The following ZNF208 variants were observed in gnomAD, a reference collection of about 807,000 sequenced individuals.
The protein encoded by ZNF208 is zinc finger protein 208.
In ZNF208, 10 loss-of-function variants were observed where a neutral mutation model predicts 12.1. The observed-to-expected ratio is 0.83, with a 90% CI of 0.51 to 1.40. ZNF208 has a LOEUF of 1.40. Among genes scored for constraint, ZNF208 ranks in the 40% most tolerant of loss-of-function variants. The pLI, the probability that ZNF208 is intolerant of heterozygous loss-of-function variation, is 0.00. For missense variants in ZNF208, 1,652 were observed against 1,485.0 expected, an observed-to-expected ratio of 1.11 and a Z score of -1.85; for synonymous variants, 497 against 488.4, an observed-to-expected ratio of 1.02 and a Z score of -0.23.
intron 1 of ZNF208, among the ~76,000 whole-genome samples, chr19:22,003,031 C>T (rs1056133422): frequency 4.6e-5 from 7 of 152,000 alleles, no homozygotes; most frequent in African/African-American, 1.7e-4. Context: ...ATAGGGAGCC[C>T]AGAAATAATG....
chr19:22,006,907 T>A (rs1255616375), intron 1 of ZNF208, among the ~76,000 whole-genome samples: 2 of 152,194 alleles, frequency 1.3e-5, no homozygotes, highest in Admixed American at 1.3e-4. Flanking sequence ...TTTTTTGTAT[T>A]AAAAATCATG....
chr19:22,010,770 G>A (rs367573707), intron 1 of ZNF208, 22 bp downstream of exon 1: 4 of 1,614,200 alleles, frequency 2.5e-6, no homozygotes, highest in Non-Finnish European at 3.4e-6. Context: ...CTCTCTCAGT[G>A]TGTCGGACCC....
intron 4 of ZNF208, among the ~76,000 whole-genome samples, chr19:21,954,180 T>C (rs1170592556): frequency 6.6e-6 from 1 of 152,220 alleles, no homozygotes. Flanking sequence ...CTAATTTGAT[T>C]GCACTGTGGT....
At chr19:21,955,157 G>GC (rs748082875) in intron 4 of ZNF208, among the ~76,000 whole-genome samples, 5 of 152,126 alleles carry the variant, frequency 3.3e-5, no homozygotes, top group Non-Finnish European at 5.9e-5. Flanking sequence ...TTGAATATTG[G>GC]CCCCCATTCT....
At chr19:21,962,470 T>C (rs908468238), downstream of ZNF208, among the ~76,000 whole-genome samples, 21 of 152,176 alleles carry the variant, frequency 1.4e-4, no homozygotes, top group African/African-American at 5.1e-4. Flanking sequence ...TTTTTAAATA[T>C]ATATTCTGCT....
intron 1 of ZNF208, among the ~76,000 whole-genome samples, chr19:22,005,120 C>T (rs1334496863): frequency 6.6e-6 from 1 of 152,158 alleles, no homozygotes; most frequent in South Asian, 2.1e-4. Context: ...TAGAGATATG[C>T]CAGGAGACTT....
rs371556421 is a variant in ZNF208, at chr19:21,972,576, G to A, written c.2458C>T (p.Leu820Phe). The change falls in exon 4 of 4, where the codon CTT (leucine) becomes TTT (phenylalanine). Residue 820 changes from leucine (L) to phenylalanine (F), a missense_variant. Coordinates refer to ENST00000397126, the MANE Select transcript of ZNF208 (RefSeq NM_007153.3). ...GCATGAATTGCCTTATGTGTAGTAA[G>A]GGTTGAGACCTTACTAAAGGTTTTG... ...CGKTFSKVST[L>F]TTHKAIHAGE... is the part of the protein sequence containing the mutation. The A allele has an allele frequency of 9.3e-6, 15 of 1,613,008 alleles. No homozygotes were observed. Among genetic ancestry groups the A allele is most frequent in the Admixed American group, 8.4e-5 (5 of 59,852 alleles).
chr19:21,983,099 T>G (rs535132051), intron 3 of ZNF208, among the ~76,000 whole-genome samples: 2 of 151,692 alleles, frequency 1.3e-5, no homozygotes, highest in Non-Finnish European at 2.9e-5. Context: ...GGAGAAAAAT[T>G]TTGCAATCTA....
Position 21,972,842 on chromosome 19 carries a change from C to G in ZNF208, c.2192G>C (p.Ser731Thr). Residue 731 changes from serine (S) to threonine (T), a missense_variant, in exon 4 of 4, where the codon AGT becomes ACT. Transcript: ENST00000397126. Reference protein sequence around the residue: ...YKCEECGKSFSTFSVLTKHKV... With the variant: ...YKCEECGKSFTTFSVLTKHKV... ...ATGTTTAGTAAGGACTGAGAATGTA[C>G]TAAAGCTTTTGCCACATTCTTCACA... is the stretch of plus-strand genomic sequence containing the variant. The G allele has an allele frequency of 1.2e-6, 2 of 1,611,436 alleles. No individual in the cohort carries two copies. Among genetic ancestry groups the G allele is most frequent in the South Asian group, 2.2e-5 (2 of 90,952 alleles).
chr19:22,001,386 C>T (rs1325674644), intron 1 of ZNF208, among the ~76,000 whole-genome samples: 5 of 152,140 alleles, frequency 3.3e-5, no homozygotes, highest in African/African-American at 1.2e-4. Context: ...AAATGAAGCT[C>T]AGGACCAGAC....
In ZNF208 at chr19:21,974,311, G is replaced by A. The variant is rs1970382112; in HGVS notation, c.723C>T (p.Phe241=). Reference sequence around the variant, plus strand: ...TTACCTTATGTTTAGTAAGGATTGAGAACTTACTAAAGGCTTTGCCACATT... The same window carrying A: ...TTACCTTATGTTTAGTAAGGATTGAAAACTTACTAAAGGCTTTGCCACATT... ...CKECGKAFSK[F]SILTKHKVIH... The change falls in exon 4 of 4, where the codon TTC becomes TTT. Residue 241 remains phenylalanine (F), a synonymous_variant. Coordinates refer to ENST00000397126, the MANE Select transcript of ZNF208 (RefSeq NM_007153.3). 1 of 1,613,488 alleles carries A rather than the reference G, an allele frequency of 6.2e-7. No homozygotes were observed. Among genetic ancestry groups the A allele is most frequent in the South Asian group, 1.1e-5 (1 of 91,070 alleles).
rs752895103 is a variant in ZNF208 at position 21,972,831 on chromosome 19, C to T, written c.2203G>A (p.Val735Ile). The part of the protein sequence containing the change: ...ECGKSFSTFS[V>I]LTKHKVIHTG... ...TGAATTACCTTATGTTTAGTAAGGA[C>T]TGAGAATGTACTAAAGCTTTTGCCA... The change falls in exon 4 of 4, where the codon GTC (valine) becomes ATC (isoleucine). Residue 735 changes from valine (V) to isoleucine (I), a missense_variant. By Grantham distance (29) the Val-to-Ile change is conservative. Coordinates refer to ENST00000397126, the MANE Select transcript of ZNF208 (RefSeq NM_007153.3). 1.6e-4 allele frequency: 253 copies of T among 1,576,178 alleles called. No homozygotes were observed. Among genetic ancestry groups the T allele is most frequent in the African/African-American group, 8.2e-4 (54 of 65,940 alleles).
At chr19:21,956,963 G>A (rs574640955) in intron 4 of ZNF208, among the ~76,000 whole-genome samples, 13 of 151,964 alleles carry the variant, frequency 8.6e-5, no homozygotes, top group Admixed American at 5.2e-4. Flanking sequence ...GACATCTTGG[G>A]ACTTCTATCA....
rs1286451704 is a variant in ZNF208 at position 21,971,092 on chromosome 19, A to G, written c.*99T>C. Reference sequence around the variant, plus strand: ...TTGAGGACCAGTTGAAAGCCTCACCACATTCTTCACATTTGTAGGGTTTCT... The same window carrying G: ...TTGAGGACCAGTTGAAAGCCTCACCGCATTCTTCACATTTGTAGGGTTTCT... On this transcript the variant is annotated 3_prime_UTR_variant, in exon 4 of 4. Coordinates refer to ENST00000397126, the MANE Select transcript of ZNF208 (RefSeq NM_007153.3). The G allele has an allele frequency of 1.2e-6, 2 of 1,613,074 alleles. No homozygotes were observed. Among genetic ancestry groups the G allele is most frequent in the Non-Finnish European group, 8.5e-7 (1 of 1,179,634 alleles).
downstream of ZNF208, among the ~76,000 whole-genome samples, chr19:21,963,152 A>T (rs1970106171): frequency 6.6e-6 from 1 of 152,036 alleles, no homozygotes; most frequent in Non-Finnish European, 1.5e-5. Context: ...GATGAAGAGC[A>T]CTTGTTTTGG....
intron 1 of ZNF208, chr19:21,997,686 A>C (rs892700515): frequency 7.8e-5 from 13 of 166,998 alleles, no homozygotes; most frequent in African/African-American, 2.9e-4. Flanking sequence ...GAGAGCCTGC[A>C]GGCCTCCTGG....
At position 21,969,028 on chromosome 19, in the gene ZNF208, C is replaced by T. The variant is rs1426627828; in HGVS notation, c.*2163G>A. Reference sequence around the variant, plus strand: ...TGAAACCCCATCTGTACTAAAAATACAAAAAATTAGCTGGGAGTGGCGGCG... The same window carrying T: ...TGAAACCCCATCTGTACTAAAAATATAAAAAATTAGCTGGGAGTGGCGGCG... On this transcript the variant is annotated 3_prime_UTR_variant, in exon 4 of 4. Transcript: ENST00000397126. Among the ~76,000 whole-genome samples, 1 of 151,984 alleles carries T rather than the reference C, an allele frequency of 6.6e-6. No individual in the cohort carries two copies. The highest frequency in any genetic ancestry group is 1.9e-4 in the East Asian group (1 of 5,176).
intron 4 of ZNF208, among the ~76,000 whole-genome samples, chr19:21,953,531 C>G (rs1969925862): frequency 6.6e-6 from 1 of 152,178 alleles, no homozygotes; most frequent in South Asian, 2.1e-4. Flanking sequence ...GAAAGAATGT[C>G]AACCCAGAAT....
At chr19:21,992,165 GA>G (rs1970751601) in intron 1 of ZNF208, among the ~76,000 whole-genome samples, 1 of 152,202 alleles carries the variant, frequency 6.6e-6, no homozygotes, top group African/African-American at 2.4e-5. Flanking sequence ...GATACTTGAT[GA>G]TGAAGAGAAA....
Sources: gnomAD v4.1 joint callset for allele counts (sites outside exome capture counted in the v4.1 genomes callset) on GRCh38, gnomAD v4.1.1 for gene constraint, MANE v1.5 for transcripts, NCBI Gene and HGNC (gene_info 2026-07-23, HGNC 2026-07-21) for gene names.